The following ASXL3 variants were observed in gnomAD, a reference collection of about 807,000 sequenced individuals.
ASXL3 encodes putative Polycomb group protein ASXL3.
In ASXL3, 34 loss-of-function variants were observed where a neutral mutation model predicts 170.6. The observed-to-expected ratio is 0.20, with a 90% CI of 0.15 to 0.27. The LOEUF (loss-of-function observed/expected upper bound fraction) is 0.27, where lower values mean the gene tolerates loss of function less well. ASXL3 is among the 10% of genes least tolerant of loss of function. The pLI is 1.00. For missense variants in ASXL3, 2,592 were observed against 2,695.3 expected, an observed-to-expected ratio of 0.96 and a Z score of 0.85; for synonymous variants, 1,002 against 989.1, an observed-to-expected ratio of 1.01 and a Z score of -0.24.
Position 33,748,226 on chromosome 18 carries a change from T to TA in ASXL3, c.*1635dup, listed in dbSNP as rs1490058546. 6.6e-6 allele frequency: 1 copy of TA among 152,214 alleles called. No homozygotes were observed. The highest frequency in any genetic ancestry group is 1.5e-5 in the Non-Finnish European group (1 of 68,044). The allele number at this position is 152,214 out of a possible 1,614,324, so 9.4% of individuals were successfully genotyped here. ...TTTGACATTCCCGTAAAACACGTCT[T>TA]AAAAGTTGACTGGAATGAGCAGAAA... On this transcript the variant is annotated 3_prime_UTR_variant, in exon 12 of 12. Transcript: ENST00000269197.
intron 4 of ASXL3, among the ~76,000 whole-genome samples, chr18:33,652,818 T>C (rs2066022754): frequency 2.6e-5 from 4 of 152,020 alleles, no homozygotes; most frequent in Non-Finnish European, 5.9e-5. Context: ...GCTCAGAGGC[T>C]ACAGTTTGAG....
intron 4 of ASXL3, among the ~76,000 whole-genome samples, chr18:33,647,252 C>G (rs1029911531): frequency 3.9e-5 from 6 of 152,072 alleles, no homozygotes; most frequent in Non-Finnish European, 7.4e-5. Flanking sequence ...TGCATGCTCA[C>G]TGAATGCTCT....
At chr18:33,606,998 C>T (rs1407621759) in intron 1 of ASXL3, among the ~76,000 whole-genome samples, 2 of 151,876 alleles carry the variant, frequency 1.3e-5, no homozygotes, top group Non-Finnish European at 2.9e-5. Flanking sequence ...GGACTGAGTT[C>T]ATATGACTGA....
In ASXL3 at chr18:33,743,264, C is replaced by T. The variant is rs753809534; in HGVS notation, c.3416C>T (p.Pro1139Leu). The change falls in exon 12 of 12, where the codon CCT becomes CTT. Residue 1139 changes from proline (P) to leucine (L), a missense_variant. This residue lies in a region of ASXL3 where 2,246 missense variants were observed against 2,219.6 expected (regional missense o/e 1.01). Transcript: ENST00000269197. ...CCTCCGCTCAGCTCAAAGGAAGGGC[C>T]TCCAAACTTAGAAGTCTCTTCTACC... ...LPPPLSSKEG[P>L]PNLEVSSTPE... 1.2e-6 allele frequency: 2 copies of T among 1,613,890 alleles called. No individual in the cohort carries two copies. The highest frequency in any genetic ancestry group is 2.2e-5 in the South Asian group (2 of 91,072).
At chr18:33,734,133 T>TCTTCTAAAGCAGTTAGC (rs1298486568) in intron 9 of ASXL3, among the ~76,000 whole-genome samples, 177 bp from the exon 10 acceptor site, 1 of 151,756 alleles carries the variant, frequency 6.6e-6, no homozygotes, top group Non-Finnish European at 1.5e-5. Context: ...GCTTTAGCAT[T>TCTTCTAAAGCAGTTAGC]TTTATGAACA....
In ASXL3 at chr18:33,744,790, A is replaced by G; in HGVS notation, c.4942A>G (p.Asn1648Asp). The change falls in exon 12 of 12, where the codon AAC (asparagine) becomes GAC (aspartate). Residue 1648 changes from asparagine to aspartate, a missense_variant. Coordinates refer to ENST00000269197, the MANE Select transcript of ASXL3 (RefSeq NM_030632.3). ...CPKAIKTEHA[N>D]YLNVSELHPR... ...AAAGGCTATCAAAACTGAACATGCC[A>G]ACTACTTGAACGTGTCAGAACTTCA... 1.2e-6 allele frequency: 2 copies of G among 1,614,078 alleles called. No individual in the cohort carries two copies. Among genetic ancestry groups the G allele is most frequent in the Non-Finnish European group, 1.7e-6 (2 of 1,179,914 alleles).
intron 1 of ASXL3, among the ~76,000 whole-genome samples, chr18:33,587,226 C>A (rs7234018): frequency 0.2 from 30,301 of 152,140 alleles, 5,948 homozygotes; most frequent in African/African-American, 0.51. Context: ...ATTTTCTAAT[C>A]ATATGCAGAA....
In ASXL3 at chr18:33,738,835, T is replaced by C; in HGVS notation, c.1431T>C (p.Ser477=). The C allele has an allele frequency of 1.2e-6, 2 of 1,613,656 alleles. No individual in the cohort carries two copies. Among genetic ancestry groups the C allele is most frequent in the Middle Eastern group, 3.3e-4 (2 of 6,062 alleles). ...DENHKTIPEF[S]EEAESLTNSH... ...ATCATAAGACAATACCTGAATTTTC[T>C]GAGGAGGCTGAAAGTCTAACCAATT... is the stretch of plus-strand genomic sequence containing the variant. Residue 477 remains serine (S), a synonymous_variant, in exon 11 of 12, where the codon TCT becomes TCC. Transcript: ENST00000269197.
At chr18:33,643,368 A>T (rs912184731) in intron 2 of ASXL3, among the ~76,000 whole-genome samples, 2 of 151,860 alleles carry the variant, frequency 1.3e-5, no homozygotes, top group African/African-American at 4.8e-5. Context: ...GAAAATAATG[A>T]AATGAGGTCT....
chr18:33,717,712 G>T (rs796932112), intron 8 of ASXL3, among the ~76,000 whole-genome samples: 14 of 152,106 alleles, frequency 9.2e-5, no homozygotes, highest in African/African-American at 3.4e-4. Context: ...GGGAGAGGCT[G>T]GGCGTTGGTT....
At position 33,652,603 on chromosome 18, in the gene ASXL3, C is replaced by CAAAAA. The variant is rs554834298; in HGVS notation, c.355+6259_355+6263dup. On this transcript the variant is annotated intron_variant, in intron 4 of 11. Transcript: ENST00000269197. ...AGTATTTTAAAAGTTTCTGTTGGGG[C>CAAAAA]AAAAAAAAAAAAAGAACATGAATCT... 7.9e-3 allele frequency among the ~76,000 whole-genome samples: 892 copies of CAAAAA among 112,308 alleles called. 32 individuals carry two copies. The highest frequency in any genetic ancestry group is 0.03 in the African/African-American group (851 of 28,744). 73.7% of individuals were successfully genotyped at this position (112,308 alleles called of 152,430 possible).
intron 1 of ASXL3, 82 bp downstream of exon 1, chr18:33,578,767 G>T: frequency 7.6e-6 from 7 of 920,930 alleles, no homozygotes; most frequent in Non-Finnish European, 6.9e-6. Context: ...CGGCGGAGAC[G>T]GCCACTTCCA....
chr18:33,732,188 A>G, intron 9 of ASXL3, 124 bp downstream of exon 9: 2 of 542,326 alleles, frequency 3.7e-6, no homozygotes, highest in Admixed American at 7.8e-5. Flanking sequence ...GTAAAAACTC[A>G]TATCCCTTTC....
intron 1 of ASXL3, among the ~76,000 whole-genome samples, chr18:33,593,372 A>G (rs1211171351): frequency 7.0e-6 from 1 of 142,014 alleles, no homozygotes; most frequent in East Asian, 2.1e-4. Context: ...TATGTTTCCC[A>G]TCCATTGAGG....
chr18:33,591,227 AT>A (rs1328073198), intron 1 of ASXL3, among the ~76,000 whole-genome samples: 28 of 151,990 alleles, frequency 1.8e-4, no homozygotes, highest in Admixed American at 5.9e-4. Context: ...TGTTTCAGAA[AT>A]TTTTTTTCTC....
chr18:33,694,122 G>A (rs2066733717), intron 8 of ASXL3, among the ~76,000 whole-genome samples: 1 of 152,156 alleles, frequency 6.6e-6, no homozygotes, highest in South Asian at 2.1e-4. Flanking sequence ...AGCAGGATTG[G>A]TCAGTGGTAG....
chr18:33,581,539 G>A (rs1175190932), intron 1 of ASXL3, among the ~76,000 whole-genome samples: 1 of 151,528 alleles, frequency 6.6e-6, no homozygotes, highest in Non-Finnish European at 1.5e-5. Flanking sequence ...GAGAGGAAAT[G>A]CAAAATAGAT....
intron 8 of ASXL3, among the ~76,000 whole-genome samples, chr18:33,729,647 A>G (rs1248324248): frequency 6.6e-6 from 1 of 152,086 alleles, no homozygotes; most frequent in East Asian, 1.9e-4. Context: ...AAATAACAAG[A>G]CTTATGACCA....
Position 33,746,715 on chromosome 18 carries a change from T to G in ASXL3, c.*120T>G. 6.9e-7 allele frequency: 1 copy of G among 1,439,098 alleles called. No homozygotes were observed. Among genetic ancestry groups the G allele is most frequent in the South Asian group, 1.6e-5 (1 of 64,418 alleles). The allele number at this position is 1,439,098 out of a possible 1,614,324, so 89.1% of individuals were successfully genotyped here. A position where few individuals can be genotyped will look rare whatever the true frequency, so the allele number is the denominator to read the frequency against. ...CTAATTTATTTTGCTTTGGAGCAGG[T>G]ACCTTTCCTCTATGGCATTATTTTC... is the stretch of plus-strand genomic sequence containing the variant. On this transcript the variant is annotated 3_prime_UTR_variant, in exon 12 of 12. Coordinates refer to ENST00000269197, the MANE Select transcript of ASXL3 (RefSeq NM_030632.3).
Sources: allele counts gnomAD v4.1 joint callset (sites outside exome capture counted in the v4.1 genomes callset), GRCh38; gene constraint gnomAD v4.1.1; regional missense constraint gnomAD v4.1.1; transcripts MANE v1.5; gene names NCBI Gene and HGNC (gene_info 2026-07-23, HGNC 2026-07-21).